ADGRA3: variants seen among roughly 807,000 people sequenced by gnomAD.
The protein encoded by ADGRA3 is G-protein coupled receptor 125.
In ADGRA3, 56 loss-of-function variants were observed where a neutral mutation model predicts 119.8. That is an observed-to-expected ratio of 0.47 (90% CI 0.38 to 0.58). The LOEUF (loss-of-function observed/expected upper bound fraction) is 0.58, where lower values mean the gene tolerates loss of function less well. Among genes scored for constraint, ADGRA3 ranks in the 20% least tolerant of loss-of-function variants. The probability of loss-of-function intolerance (pLI) is 0.00; values close to 1 mark genes in which losing one functional copy is unlikely to be tolerated. For synonymous variants in ADGRA3, 607 were observed against 623.8 expected, an observed-to-expected ratio of 0.97 and a Z score of 0.40; for missense variants, 1,516 against 1,649.0, an observed-to-expected ratio of 0.92 and a Z score of 1.40.
At chr4:22,393,015 T>TA in intron 16 of ADGRA3, 1 of 193,400 alleles carries the variant, frequency 5.2e-6, no homozygotes, top group Admixed American at 5.9e-5. Flanking sequence ...CATTATACAT[T>TA]AGAGTTCATT....
rs891550691 is a variant in ADGRA3 at position 22,463,492 on chromosome 4, T to C, written c.330-1684A>G. On this transcript the variant is annotated intron_variant, in intron 2 of 18. Transcript: ENST00000334304. ...TTAGAGGAAAATCCTCAGTTTGCCT[T>C]CTCCATCCTCTCCAAATCAGAAAGC... Among the ~76,000 whole-genome samples, 2 of 152,128 alleles carry C rather than the reference T, an allele frequency of 1.3e-5. 1 individual carries two copies. The highest frequency in any genetic ancestry group is 4.1e-4 in the South Asian group (2 of 4,826).
At chr4:22,442,571 C>T (rs1716658330) in intron 7 of ADGRA3, 79 bp downstream of exon 7, 1 of 926,960 alleles carries the variant, frequency 1.1e-6, no homozygotes. Context: ...ATTCAAATTC[C>T]ACTAAACATT....
intron 1 of ADGRA3, among the ~76,000 whole-genome samples, chr4:22,489,358 A>G (rs1428173919): frequency 1.3e-5 from 2 of 152,210 alleles, no homozygotes; most frequent in East Asian, 3.8e-4. Flanking sequence ...AATATAGCCA[A>G]ACCATATCAG....
chr4:22,488,068 G>A (rs1315203480), intron 1 of ADGRA3, among the ~76,000 whole-genome samples: 4 of 152,074 alleles, frequency 2.6e-5, no homozygotes, highest in African/African-American at 9.7e-5. Context: ...CTTCAGTGCC[G>A]GAATCCATAG....
intron 14 of ADGRA3, among the ~76,000 whole-genome samples, chr4:22,409,797 A>T (rs909440378): frequency 1.3e-5 from 2 of 152,204 alleles, no homozygotes; most frequent in African/African-American, 4.8e-5. Context: ...ATGCAAAAAA[A>T]TAGGAACATA....
intron 1 of ADGRA3, among the ~76,000 whole-genome samples, chr4:22,506,348 T>C (rs1002059081): frequency 6.6e-5 from 10 of 151,370 alleles, no homozygotes; most frequent in Admixed American, 2.0e-4. Flanking sequence ...AAGTCAGGAG[T>C]TCAAGACCAA....
At chr4:22,515,286 C>A (rs1340711316) in intron 1 of ADGRA3, 2 of 354,554 alleles carry the variant, frequency 5.6e-6, no homozygotes, top group Non-Finnish European at 9.9e-6. Context: ...CGGGGAGCGC[C>A]TGAGAACCCG....
intron 11 of ADGRA3, among the ~76,000 whole-genome samples, chr4:22,423,420 T>A (rs895123582): frequency 6.6e-6 from 1 of 152,152 alleles, no homozygotes; most frequent in African/African-American, 2.4e-5. Context: ...TGTAGAATAT[T>A]CTACACTATG....
At chr4:22,409,170 T>C (rs1427275059) in intron 14 of ADGRA3, among the ~76,000 whole-genome samples, 1 of 152,166 alleles carries the variant, frequency 6.6e-6, no homozygotes, top group African/African-American at 2.4e-5. Context: ...ATACATTCTT[T>C]TGTAAAAATA....
At chr4:22,446,320 T>G (rs60379399) in intron 5 of ADGRA3, among the ~76,000 whole-genome samples, 6,094 of 152,238 alleles carry the variant, frequency 0.04, 198 homozygotes, top group East Asian at 0.19. Context: ...ATTTCCCCCA[T>G]TTGGGGGATG....
At chr4:22,426,151 G>A (rs1338958772) in intron 10 of ADGRA3, among the ~76,000 whole-genome samples, 1 of 152,138 alleles carries the variant, frequency 6.6e-6, no homozygotes, top group Non-Finnish European at 1.5e-5. Context: ...GACTCTAGAG[G>A]TAGTAGAAGG....
chr4:22,486,986 AT>A (rs1560341675), intron 1 of ADGRA3, among the ~76,000 whole-genome samples: 1 of 152,152 alleles, frequency 6.6e-6, no homozygotes, highest in Non-Finnish European at 1.5e-5. Flanking sequence ...CTAGAGAATG[AT>A]AAAGCTGATA....
At chr4:22,411,030 AG>A (rs1379868728) in intron 14 of ADGRA3, among the ~76,000 whole-genome samples, 1 of 152,262 alleles carries the variant, frequency 6.6e-6, no homozygotes, top group East Asian at 1.9e-4. Context: ...AAGAACAGCT[AG>A]GAAGTTCACA....
chr4:22,402,855 T>A, intron 14 of ADGRA3, 56 bp from the exon 15 acceptor site: 1 of 1,548,448 alleles, frequency 6.5e-7, no homozygotes, highest in Non-Finnish European at 8.7e-7. Context: ...ATTTAACTAC[T>A]GAGATTTTTT....
intron 7 of ADGRA3, among the ~76,000 whole-genome samples, chr4:22,440,980 C>T (rs1382408004): frequency 6.6e-6 from 1 of 152,130 alleles, no homozygotes; most frequent in Non-Finnish European, 1.5e-5. Context: ...CAATTATATG[C>T]CCCTGACAAA....
At chr4:22,451,524 A>C (rs1401014182) in intron 4 of ADGRA3, among the ~76,000 whole-genome samples, 1 of 152,110 alleles carries the variant, frequency 6.6e-6, no homozygotes, top group African/African-American at 2.4e-5. Flanking sequence ...GGCAGAGATC[A>C]ATATATAGAA....
intron 3 of ADGRA3, among the ~76,000 whole-genome samples, chr4:22,455,640 CTA>C (rs1348312668): frequency 1.3e-5 from 2 of 151,916 alleles, no homozygotes; most frequent in African/African-American, 4.8e-5. Flanking sequence ...TTCTTTTTAC[CTA>C]TGTAAAAGTT....
intron 16 of ADGRA3, chr4:22,398,069 G>A (rs2109001789): frequency 1.0e-6 from 1 of 985,204 alleles, no homozygotes; most frequent in Non-Finnish European, 1.2e-6. Flanking sequence ...TCTACACATG[G>A]ATGTAGTTGA....
At chr4:22,399,775 C>T (rs947036221) in intron 16 of ADGRA3, among the ~76,000 whole-genome samples, 4 of 152,072 alleles carry the variant, frequency 2.6e-5, no homozygotes, top group African/African-American at 9.7e-5. Context: ...GGCTCTGCTC[C>T]TCTTTTTTAT....
Sources: gnomAD v4.1 joint callset for allele counts (sites outside exome capture counted in the v4.1 genomes callset) on GRCh38, gnomAD v4.1.1 for gene constraint, MANE v1.5 for transcripts, NCBI Gene and HGNC (gene_info 2026-07-23, HGNC 2026-07-21) for gene names.